DLGAP2: variants seen among roughly 807,000 people sequenced by gnomAD.
DLGAP2 encodes disks large-associated protein 2.
DLGAP2 carries 26 observed loss-of-function variants against 100.3 expected under a neutral mutation model. The ratio of observed to expected loss-of-function variants is 0.26; its 90% confidence interval spans 0.19 to 0.36. The LOEUF is 0.36. Among genes scored for constraint, DLGAP2 ranks in the 10% least tolerant of loss-of-function variants. The pLI is 1.00. For synonymous variants in DLGAP2, 886 were observed against 630.1 expected, an observed-to-expected ratio of 1.41 and a Z score of -6.08; for missense variants, 1,858 against 1,453.2, an observed-to-expected ratio of 1.28 and a Z score of -4.53.
chr8:936,702 G>T (rs562256323), intron 2 of DLGAP2, among the ~76,000 whole-genome samples: 5 of 152,246 alleles, frequency 3.3e-5, no homozygotes, highest in Admixed American at 2.0e-4. Context: ...TTTTGTTTTG[G>T]TTTTTTAGTT....
chr8:1,266,478 A>G (rs887786490), intron 3 of DLGAP2, among the ~76,000 whole-genome samples: 12 of 152,074 alleles, frequency 7.9e-5, no homozygotes, highest in African/African-American at 1.2e-4. Context: ...ATGGCCAGCC[A>G]TAAATAACTA....
chr8:1,474,596 C>T (rs1798883351), intron 3 of DLGAP2, among the ~76,000 whole-genome samples: 1 of 152,130 alleles, frequency 6.6e-6, no homozygotes, highest in East Asian at 1.9e-4. Context: ...AGAAAGAAGA[C>T]ATACAAGTGG....
intron 3 of DLGAP2, among the ~76,000 whole-genome samples, chr8:1,453,779 C>G (rs1054896073): frequency 6.6e-6 from 1 of 152,184 alleles, no homozygotes; most frequent in Non-Finnish European, 1.5e-5. Context: ...GCAGGAGTTT[C>G]AACATACTCC....
In DLGAP2 at chr8:1,434,768, C is replaced by A. The variant is rs143433417; in HGVS notation, c.107-66598C>A. Among the ~76,000 whole-genome samples, 843 of 152,330 alleles carry A rather than the reference C, an allele frequency of 5.5e-3. 4 individuals carry two copies. Among genetic ancestry groups the A allele is most frequent in the Non-Finnish European group, 8.7e-3 (590 of 68,034 alleles). ...GGGATTACAGGCTTGAGCCACTGTGCCCGGCCGTCATTGGCATTTTGAGAA... is the reference window on the plus strand; with the variant it reads ...GGGATTACAGGCTTGAGCCACTGTGACCGGCCGTCATTGGCATTTTGAGAA... On this transcript the variant is annotated intron_variant, in intron 3 of 14. Coordinates refer to ENST00000637795, the MANE Select transcript of DLGAP2 (RefSeq NM_001346810.2).
chr8:1,012,432 A>G (rs1383745662), intron 2 of DLGAP2, among the ~76,000 whole-genome samples: 2 of 152,248 alleles, frequency 1.3e-5, no homozygotes, highest in Non-Finnish European at 2.9e-5. Flanking sequence ...GATCTCCAGT[A>G]GTCTCTGTGT....
chr8:779,672 T>C (rs539784090), intron 1 of DLGAP2, among the ~76,000 whole-genome samples: 1 of 152,056 alleles, frequency 6.6e-6, no homozygotes, highest in East Asian at 1.9e-4. Context: ...CTTAATGTTT[T>C]CTGGTTTCTA....
chr8:1,264,592 T>G (rs1471413110), intron 3 of DLGAP2, among the ~76,000 whole-genome samples: 1 of 152,174 alleles, frequency 6.6e-6, no homozygotes, highest in East Asian at 1.9e-4. Flanking sequence ...GTTATGATTC[T>G]GTCAGAACCT....
intron 1 of DLGAP2, among the ~76,000 whole-genome samples, chr8:855,390 T>G (rs1797258847): frequency 6.6e-6 from 1 of 152,084 alleles, no homozygotes; most frequent in South Asian, 2.1e-4. Flanking sequence ...AAGCTGAGTG[T>G]GAGCTGCAGG....
At chr8:946,393 G>A (rs1256301326) in intron 2 of DLGAP2, among the ~76,000 whole-genome samples, 1 of 151,654 alleles carries the variant, frequency 6.6e-6, no homozygotes, top group South Asian at 2.1e-4. Flanking sequence ...ACTCCCGAGT[G>A]TCTGGGACTA....
chr8:1,412,635 C>A (rs896550843), intron 3 of DLGAP2, among the ~76,000 whole-genome samples: 1 of 152,192 alleles, frequency 6.6e-6, no homozygotes, highest in Non-Finnish European at 1.5e-5. Flanking sequence ...ATGGTGATAG[C>A]AATGGAGCCC....
At chr8:1,453,371 G>A (rs1254681648) in intron 3 of DLGAP2, among the ~76,000 whole-genome samples, 4 of 152,184 alleles carry the variant, frequency 2.6e-5, no homozygotes, top group African/African-American at 9.7e-5. Flanking sequence ...TTTCACAAGT[G>A]TCTGAGAAAG....
chr8:1,224,648 A>G (rs74304031), intron 2 of DLGAP2, among the ~76,000 whole-genome samples: 12,910 of 152,304 alleles, frequency 0.085, 839 homozygotes, highest in African/African-American at 0.17. Flanking sequence ...TGAAATTACT[A>G]AAATCCAGAA....
chr8:1,026,819 G>T (rs1319556751), intron 2 of DLGAP2, among the ~76,000 whole-genome samples: 1 of 152,194 alleles, frequency 6.6e-6, no homozygotes, highest in African/African-American at 2.4e-5. Context: ...AAATACCCAT[G>T]AGATTAACGA....
chr8:1,041,924 T>G (rs1327284634), intron 2 of DLGAP2, among the ~76,000 whole-genome samples: 2 of 152,212 alleles, frequency 1.3e-5, no homozygotes, highest in Non-Finnish European at 2.9e-5. Context: ...CCTGCTCTTC[T>G]CTTGGAGTGA....
chr8:1,448,470 G>T (rs151204167), intron 3 of DLGAP2, among the ~76,000 whole-genome samples: 3 of 152,040 alleles, frequency 2.0e-5, no homozygotes, highest in Non-Finnish European at 4.4e-5. Flanking sequence ...TATAATTTCT[G>T]TTCTTTTACA....
intron 2 of DLGAP2, among the ~76,000 whole-genome samples, chr8:1,171,200 G>C (rs537642082): frequency 6.6e-6 from 1 of 152,166 alleles, no homozygotes; most frequent in Non-Finnish European, 1.5e-5. Flanking sequence ...TTTTGAGTGA[G>C]TTTCTTAATC....
intron 3 of DLGAP2, among the ~76,000 whole-genome samples, chr8:1,360,246 C>CGGGGG: frequency 9.7e-6 from 1 of 103,098 alleles, no homozygotes; most frequent in African/African-American, 3.7e-5. Flanking sequence ...CGGGGCTTCT[C>CGGGGG]CGGGGCGGGG....
In DLGAP2 at chr8:1,234,905, G is replaced by A. The variant is rs1025296393; in HGVS notation, c.74-23946G>A. On this transcript the variant is annotated intron_variant, in intron 2 of 14. Transcript: ENST00000637795. The stretch of plus-strand genomic sequence containing the variant: ...GTCTAGGAGCTCCCTCTCACGTGGC[G>A]CCATATCTAGTTCTCTCGCACACAA... Among the ~76,000 whole-genome samples, 11 of 152,122 alleles carry A rather than the reference G, an allele frequency of 7.2e-5. No individual in the cohort carries two copies. The East Asian group carries it at 1.7e-3, about 24-fold the overall frequency.
At chr8:1,049,110 G>A (rs939179844) in intron 2 of DLGAP2, among the ~76,000 whole-genome samples, 16 of 152,218 alleles carry the variant, frequency 1.1e-4, no homozygotes, top group Non-Finnish European at 1.8e-4. Flanking sequence ...GGGAGGGGAA[G>A]CATCTTGTGG....
Sources: allele counts gnomAD v4.1 joint callset (sites outside exome capture counted in the v4.1 genomes callset), GRCh38; gene constraint gnomAD v4.1.1; transcripts MANE v1.5; gene names NCBI Gene and HGNC (gene_info 2026-07-23, HGNC 2026-07-21).